Variants in MED6 observed in about 807,000 individuals in gnomAD.
MED6 encodes mediator of RNA polymerase II transcription subunit 6.
In MED6, 33 loss-of-function variants were observed where a neutral mutation model predicts 37.5. That is an observed-to-expected ratio of 0.88 (90% confidence interval 0.67 to 1.18). The LOEUF (loss-of-function observed/expected upper bound fraction) is 1.18. Ranked by LOEUF, MED6 falls within the 50% of genes most tolerant of loss-of-function variation. MED6 has a pLI of 0.00. For synonymous variants in MED6, 94 were observed against 93.6 expected (o/e 1.00, Z -0.02); for missense variants, 235 against 290.6 (o/e 0.81, Z 1.39).
rs765872344 is a variant in MED6, at chr14:70,584,218, A to C, written c.*595T>G. On this transcript the variant is annotated 3_prime_UTR_variant, in exon 8 of 8. Coordinates refer to ENST00000256379, the MANE Select transcript of MED6 (RefSeq NM_005466.4). ...TGAAAAATATCAGTTATGATGAAGA[A>C]AAAAGTCATGATGAAGCAATATATA... 1 of 743,778 alleles carries C rather than the reference A, an allele frequency of 1.3e-6. No homozygotes were observed. Among genetic ancestry groups the C allele is most frequent in the African/African-American group, 1.7e-5 (1 of 57,328 alleles). 46.1% of individuals were successfully genotyped at this position (743,778 alleles called of 1,614,324 possible). A position where few individuals can be genotyped will look rare whatever the true frequency, so the allele number is the denominator to read the frequency against.
chr14:70,599,253 T>C (rs1194458081), intron 1 of MED6, among the ~76,000 whole-genome samples: 1 of 152,136 alleles, frequency 6.6e-6, no homozygotes, highest in Non-Finnish European at 1.5e-5. Flanking sequence ...TAAAATGTAC[T>C]TTGTGTGCTA....
Position 70,584,738 on chromosome 14 carries a change from A to G in MED6, c.*75T>C. 2.0e-6 allele frequency: 3 copies of G among 1,520,812 alleles called. No homozygotes were observed. The highest frequency in any genetic ancestry group is 2.5e-5 in the South Asian group (2 of 78,686). 94.2% of individuals were successfully genotyped at this position (1,520,812 alleles called of 1,614,324 possible). A position where few individuals can be genotyped will look rare whatever the true frequency, so the allele number is the denominator to read the frequency against. The stretch of plus-strand genomic sequence containing the variant: ...TAAGAAGGTTACAATAAAGTACTTC[A>G]AAGCTCAAGAGCCACAGTACTGAGG... On this transcript the variant is annotated 3_prime_UTR_variant, in exon 8 of 8. Coordinates refer to ENST00000256379, the MANE Select transcript of MED6 (RefSeq NM_005466.4).
At position 70,584,026 on chromosome 14, in the gene MED6, T is replaced by G; in HGVS notation, c.*787A>C. ...AGAATAAGATTAAAATTCACAACAC[T>G]GTTACAGTATTTATAGGGTAATGGT... On this transcript the variant is annotated 3_prime_UTR_variant, in exon 8 of 8. Transcript: ENST00000256379. 1 of 486,272 alleles carries G rather than the reference T, an allele frequency of 2.1e-6. No homozygotes were observed. The highest frequency in any genetic ancestry group is 3.5e-5 in the Admixed American group (1 of 28,474). The allele number at this position is 486,272 out of a possible 1,614,324, so 30.1% of individuals were successfully genotyped here.
chr14:70,583,923 T>C lies in MED6; in HGVS notation c.*890A>G, dbSNP rs1235049000. 8 of 434,094 alleles carry C rather than the reference T, an allele frequency of 1.8e-5. No homozygotes were observed. Among genetic ancestry groups the C allele is most frequent in the Non-Finnish European group, 3.2e-5 (8 of 247,074 alleles). 26.9% of individuals were successfully genotyped at this position (434,094 alleles called of 1,614,324 possible). A position where few individuals can be genotyped will look rare whatever the true frequency, so the allele number is the denominator to read the frequency against. On this transcript the variant is annotated 3_prime_UTR_variant, in exon 8 of 8. Coordinates refer to ENST00000256379, the MANE Select transcript of MED6 (RefSeq NM_005466.4). ...GCCCTCACCAGATGGAGCCAATCAA[T>C]GCTGGACTTCTCAGCCTCCATAACT...
At chr14:70,585,561 T>TTTTTC (rs58323233) in intron 7 of MED6, among the ~76,000 whole-genome samples, 195 bp downstream of exon 7, 35,479 of 151,520 alleles carry the variant, frequency 0.23, 5,924 homozygotes, top group East Asian at 0.55. Flanking sequence ...GAGACTTTTT[T>TTTTTC]TTTTTTTTCA....
rs533844080 is a variant in MED6, at chr14:70,597,050, T to C, written c.183-348A>G. Among the ~76,000 whole-genome samples the C allele has an allele frequency of 1.2e-4, 19 of 152,260 alleles. 1 individual carries two copies. The highest frequency in any genetic ancestry group is 4.6e-4 in the African/African-American group (19 of 41,550). ...ACCAAATCTACGAATACATACAAAA[T>C]ATAAAAATAAACATGAAGACACAAC... is the stretch of plus-strand genomic sequence containing the variant. On this transcript the variant is annotated intron_variant, in intron 2 of 7. Transcript: ENST00000256379.
rs555101212 is a variant in MED6, at chr14:70,588,486, C to T, written c.583-2703G>A. 6.9e-4 allele frequency among the ~76,000 whole-genome samples: 105 copies of T among 151,886 alleles called. 1 individual carries two copies. The highest frequency in any genetic ancestry group is 2.2e-4 in the Non-Finnish European group (15 of 67,946). On this transcript the variant is annotated intron_variant, in intron 6 of 7. Coordinates refer to ENST00000256379, the MANE Select transcript of MED6 (RefSeq NM_005466.4). ...AGATCACGAGGTCAGGAGATTGAAA[C>T]TATCCTGGCTAACGCGGTGAAACCC...
Position 70,596,615 on chromosome 14 carries a change from G to C in MED6, c.270C>G (p.Ala90=), listed in dbSNP as rs753534534. ...IIRKQQRQSP[A]QVIPLADYYI... ...CCTAAAGTTTACACATTTTACCTTG[G>C]GCAGGGGACTGCCGCTGTTGCTTCC... The change falls in exon 3 of 8, where the codon GCC becomes GCG. Residue 90 remains alanine (A), a synonymous_variant. Transcript: ENST00000256379. 3.1e-6 allele frequency: 5 copies of C among 1,610,638 alleles called. No individual in the cohort carries two copies. The highest frequency in any genetic ancestry group is 4.2e-6 in the Non-Finnish European group (5 of 1,177,086).
At chr14:70,593,971 ATCTTG>A (rs2139598795) in intron 3 of MED6, among the ~76,000 whole-genome samples, 1 of 152,236 alleles carries the variant, frequency 6.6e-6, no homozygotes, top group East Asian at 1.9e-4. Flanking sequence ...CACTATGGAA[ATCTTG>A]TCTTGTCGCT....
rs771074691 is a variant in MED6, at chr14:70,584,164, T to C, written c.*649A>G. On this transcript the variant is annotated 3_prime_UTR_variant, in exon 8 of 8. Coordinates refer to ENST00000256379, the MANE Select transcript of MED6 (RefSeq NM_005466.4). ...AAAGAAATATGCTTAGTTACTACTT[T>C]AACATCCTTTATGTCTTCAAAGTGC... 1 of 756,372 alleles carries C rather than the reference T, an allele frequency of 1.3e-6. No individual in the cohort carries two copies. Among genetic ancestry groups the C allele is most frequent in the Non-Finnish European group, 2.4e-6 (1 of 415,016 alleles). 46.9% of individuals were successfully genotyped at this position (756,372 alleles called of 1,614,324 possible).
chr14:70,587,007 A>C (rs764202413), intron 6 of MED6, among the ~76,000 whole-genome samples: 1 of 152,202 alleles, frequency 6.6e-6, no homozygotes, highest in Non-Finnish European at 1.5e-5. Context: ...ATTTAGGCTG[A>C]ATACCTGCTT....
In MED6 at chr14:70,584,924, CTCTT is replaced by C. The variant is rs760682326; in HGVS notation, c.626_629del (p.Lys209ArgfsTer9). The C allele has an allele frequency of 7.4e-6, 12 of 1,613,784 alleles. No individual in the cohort carries two copies. Among genetic ancestry groups the C allele is most frequent in the East Asian group, 4.5e-5 (2 of 44,860 alleles). On this transcript the variant is annotated frameshift_variant, in exon 8 of 8. Transcript: ENST00000256379. LOFTEE classifies it high-confidence loss of function. ...TTACAGTTTCTGGTATAGGTTCTGCCTCTTTCTTTGTTTGATCCACTAGATATCA... is the reference window on the plus strand; with the variant it reads ...TTACAGTTTCTGGTATAGGTTCTGCCTCTTTGTTTGATCCACTAGATATCA...
In MED6 at chr14:70,584,721, T is replaced by C; in HGVS notation, c.*92A>G. On this transcript the variant is annotated 3_prime_UTR_variant, in exon 8 of 8. Coordinates refer to ENST00000256379, the MANE Select transcript of MED6 (RefSeq NM_005466.4). ...AGCGCATTCCATACAAATAAGAAGG[T>C]TACAATAAAGTACTTCAAAGCTCAA... 6.9e-7 allele frequency: 1 copy of C among 1,451,998 alleles called. No individual in the cohort carries two copies. Among genetic ancestry groups the C allele is most frequent in the Non-Finnish European group, 9.3e-7 (1 of 1,075,752 alleles). 89.9% of individuals were successfully genotyped at this position (1,451,998 alleles called of 1,614,324 possible).
In MED6 at chr14:70,592,891, T is replaced by C; in HGVS notation, c.455A>G (p.His152Arg). The C allele has an allele frequency of 1.9e-6, 3 of 1,613,870 alleles. No homozygotes were observed. The highest frequency in any genetic ancestry group is 1.1e-5 in the South Asian group (1 of 91,066). ...SKGYWWHFKD[H>R]EEQDKVRPKA... ...GATGTTCTACTTACCTTGCTCTTCA[T>C]GATCTTTGAAGTGCCACCAATACCC... Residue 152 changes from histidine to arginine, a missense_variant, in exon 5 of 8, where the codon CAT (histidine) becomes CGT (arginine). Coordinates refer to ENST00000256379, the MANE Select transcript of MED6 (RefSeq NM_005466.4).
chr14:70,599,302 C>A (rs1257258413), intron 1 of MED6, among the ~76,000 whole-genome samples: 1 of 152,016 alleles, frequency 6.6e-6, no homozygotes, highest in Non-Finnish European at 1.5e-5. Flanking sequence ...CGTTAATAAC[C>A]AAATAATTAG....
intron 2 of MED6, among the ~76,000 whole-genome samples, chr14:70,597,273 T>C (rs66883325): frequency 0.058 from 8,886 of 152,332 alleles, 440 homozygotes; most frequent in African/African-American, 0.13. Context: ...AGGAAAATTA[T>C]ATCAACAGTT....
Position 70,584,459 on chromosome 14 carries a change from T to C in MED6, c.*354A>G. The C allele has an allele frequency of 3.1e-6, 1 of 319,464 alleles. No homozygotes were observed. Among genetic ancestry groups the C allele is most frequent in the Non-Finnish European group, 5.7e-6 (1 of 174,964 alleles). The allele number at this position is 319,464 out of a possible 1,614,324, so 19.8% of individuals were successfully genotyped here. A position where few individuals can be genotyped will look rare whatever the true frequency, so the allele number is the denominator to read the frequency against. ...GCATGATAATCAGCTCAGGGCAACC[T>C]CCACCTCCCGGGTTCAAGCAAGTCT... On this transcript the variant is annotated 3_prime_UTR_variant, in exon 8 of 8. Coordinates refer to ENST00000256379, the MANE Select transcript of MED6 (RefSeq NM_005466.4).
chr14:70,594,567 C>T, intron 3 of MED6: 1 of 409,734 alleles, frequency 2.4e-6, no homozygotes, highest in South Asian at 2.1e-5. Flanking sequence ...TTTCACCACT[C>T]ACTCCACCTT....
Position 70,599,280 on chromosome 14 carries a change from A to G in MED6, c.22+1336T>C, listed in dbSNP as rs1341901901. The stretch of plus-strand genomic sequence containing the variant: ...TGTGTGCTATAAAATAAAGGAGGAG[A>G]CAGATGAAGTGCGTTAATAACCAAA... On this transcript the variant is annotated intron_variant, in intron 1 of 7. Transcript: ENST00000256379. Among the ~76,000 whole-genome samples the G allele has an allele frequency of 3.3e-5, 5 of 152,346 alleles. No individual in the cohort carries two copies. In the East Asian group the frequency reaches 9.6e-4, roughly 29 times the overall value.
Sources: allele counts gnomAD v4.1 joint callset (sites outside exome capture counted in the v4.1 genomes callset), GRCh38; gene constraint gnomAD v4.1.1; transcripts MANE v1.5; gene names NCBI Gene and HGNC (gene_info 2026-07-23, HGNC 2026-07-21).